Variants in CTNND2 observed in about 807,000 individuals in gnomAD.
CTNND2 encodes the protein catenin delta 2.
Under a neutral mutation model 144.4 loss-of-function variants are expected in CTNND2, and 22 were observed. The ratio of observed to expected loss-of-function variants is 0.15; its 90% confidence interval spans 0.11 to 0.22. The LOEUF is 0.22. Ranked by LOEUF, CTNND2 falls within the 10% of genes least tolerant of loss-of-function variation. The probability of loss-of-function intolerance (pLI) is 1.00; values close to 1 mark genes in which losing one functional copy is unlikely to be tolerated. For missense variants in CTNND2, 1,353 were observed against 1,618.8 expected, an observed-to-expected ratio of 0.84 and a Z score of 2.82; for synonymous variants, 751 against 695.6, an observed-to-expected ratio of 1.08 and a Z score of -1.25.
At chr5:11,686,364 C>T (rs1040298305) in intron 2 of CTNND2, among the ~76,000 whole-genome samples, 1 of 152,142 alleles carries the variant, frequency 6.6e-6, no homozygotes, top group Admixed American at 6.5e-5. Flanking sequence ...TTGCTATTAG[C>T]CATAACTGAC....
At position 11,082,166 on chromosome 5, in the gene CTNND2, T is replaced by C. The variant is rs61757067; in HGVS notation, c.2788+530A>G. Among the ~76,000 whole-genome samples, 61 of 152,312 alleles carry C rather than the reference T, an allele frequency of 4.0e-4. No homozygotes were observed. The East Asian group carries it at 0.01, about 26-fold the overall frequency. ...TTAATCTCTGGGCCTAGAACAGGCC[T>C]GGAACAAAGCAGGCCATGAGTTTTG... is the stretch of plus-strand genomic sequence containing the variant. On this transcript the variant is annotated intron_variant, in intron 16 of 21. Transcript: ENST00000304623.
chr5:11,648,433 T>C (rs1782474396), intron 2 of CTNND2, among the ~76,000 whole-genome samples: 1 of 152,170 alleles, frequency 6.6e-6, no homozygotes, highest in African/African-American at 2.4e-5. Flanking sequence ...CCAAGTAAGC[T>C]ACTGACCTAT....
At chr5:11,442,817 T>TATATAATGATTATATTATAATTTTATATA (rs1179169594) in intron 3 of CTNND2, among the ~76,000 whole-genome samples, 2 of 143,662 alleles carry the variant, frequency 1.4e-5, no homozygotes, top group African/African-American at 2.5e-5. Context: ...TTTTATATAA[T>TATATAATGATTATATTATAATTTTATATA]ATATAATGAT....
intron 5 of CTNND2, among the ~76,000 whole-genome samples, chr5:11,407,917 CT>C (rs1351783076): frequency 3.9e-5 from 6 of 152,110 alleles, no homozygotes; most frequent in African/African-American, 1.4e-4. Flanking sequence ...GTGCTGTACA[CT>C]CACTCTCTGC....
intron 3 of CTNND2, among the ~76,000 whole-genome samples, chr5:11,461,331 C>T (rs1766203960): frequency 6.6e-6 from 1 of 152,164 alleles, no homozygotes; most frequent in South Asian, 2.1e-4. Context: ...CACAGTACAA[C>T]TCGGTCCAAA....
chr5:11,759,196 G>GT (rs60462457), intron 1 of CTNND2, among the ~76,000 whole-genome samples: 123,593 of 151,690 alleles, frequency 0.81, 54,759 homozygotes, highest in Non-Finnish European at 0.98. Flanking sequence ...TTATGTCACT[G>GT]TTTTTTTAAC....
intron 11 of CTNND2, among the ~76,000 whole-genome samples, chr5:11,198,363 T>C (rs533161730): frequency 8.9e-4 from 135 of 152,318 alleles, no homozygotes; most frequent in African/African-American, 3.1e-3. Flanking sequence ...CTAGTTCTAA[T>C]ACAACCAAGA....
At chr5:11,758,497 C>T (rs1034001704) in intron 1 of CTNND2, among the ~76,000 whole-genome samples, 1 of 151,886 alleles carries the variant, frequency 6.6e-6, no homozygotes, top group Non-Finnish European at 1.5e-5. Flanking sequence ...TTCCCCTTTC[C>T]CCATCCACTC....
chr5:11,693,546 C>T (rs764345364), intron 2 of CTNND2, among the ~76,000 whole-genome samples: 5 of 152,170 alleles, frequency 3.3e-5, no homozygotes, highest in Non-Finnish European at 7.3e-5. Flanking sequence ...TTACATGGCA[C>T]ACATAAAATG....
intron 7 of CTNND2, among the ~76,000 whole-genome samples, chr5:11,382,440 TA>T (rs1758580885): frequency 6.6e-6 from 1 of 151,624 alleles, no homozygotes; most frequent in Admixed American, 6.6e-5. Context: ...CTCTACAAAA[TA>T]TACAAAAATT....
intron 1 of CTNND2, among the ~76,000 whole-genome samples, chr5:11,897,824 T>C (rs1332156353): frequency 6.6e-6 from 1 of 152,234 alleles, no homozygotes; most frequent in Non-Finnish European, 1.5e-5. Flanking sequence ...CAGAATTCTA[T>C]CAACTAGAAT....
intron 5 of CTNND2, among the ~76,000 whole-genome samples, chr5:11,398,944 A>T (rs1467857114): frequency 6.6e-6 from 1 of 152,212 alleles, no homozygotes; most frequent in Non-Finnish European, 1.5e-5. Context: ...AGGCAGGCTG[A>T]GATATGGGAG....
rs549124690 is a variant in CTNND2, at chr5:11,013,545, C to T, written c.3084+4429G>A. 7.2e-5 allele frequency among the ~76,000 whole-genome samples: 11 copies of T among 152,264 alleles called. No homozygotes were observed. The East Asian group carries it at 2.1e-3, about 29-fold the overall frequency. ...ATGGCTAGCTTCAAATCCAGGAAGG[C>T]TATTGCAGAGAAGACAGATTAGACT... On this transcript the variant is annotated intron_variant, in intron 18 of 21. Coordinates refer to ENST00000304623, the MANE Select transcript of CTNND2 (RefSeq NM_001332.4).
At chr5:11,183,300 T>C (rs999561391) in intron 11 of CTNND2, among the ~76,000 whole-genome samples, 1 of 152,202 alleles carries the variant, frequency 6.6e-6, no homozygotes, top group Non-Finnish European at 1.5e-5. Context: ...TATCTCCTGT[T>C]AATTTAACGA....
chr5:11,255,765 G>A (rs1744169508), intron 9 of CTNND2, among the ~76,000 whole-genome samples: 1 of 152,250 alleles, frequency 6.6e-6, no homozygotes, highest in African/African-American at 2.4e-5. Flanking sequence ...GCATCAATCA[G>A]TCACGAGAGC....
chr5:11,439,003 G>C (rs1225819148), intron 3 of CTNND2, among the ~76,000 whole-genome samples: 1 of 151,878 alleles, frequency 6.6e-6, no homozygotes, highest in Non-Finnish European at 1.5e-5. Context: ...TGTTAGTTTT[G>C]AGATGTAAAC....
rs115441452 is a variant in CTNND2, at chr5:11,222,011, A to G, written c.1761+14680T>C. ...CTTCTTCTCTAAACGATGACATATC[A>G]GAAATGCATCAAAACGGCAAAGCAC... On this transcript the variant is annotated intron_variant, in intron 10 of 21. Transcript: ENST00000304623. 6.5e-3 allele frequency among the ~76,000 whole-genome samples: 992 copies of G among 152,362 alleles called. 13 individuals carry two copies. The highest frequency in any genetic ancestry group is 0.022 in the African/African-American group (912 of 41,588).
At chr5:10,974,466 G>A (rs1736203630) in intron 21 of CTNND2, among the ~76,000 whole-genome samples, 1 of 152,152 alleles carries the variant, frequency 6.6e-6, no homozygotes, top group Admixed American at 6.5e-5. Context: ...ATGGACGCTT[G>A]GGTTATTTTT....
rs368987225 is a variant in CTNND2, at chr5:11,499,347, C to T, written c.287+65597G>A. 6.2e-4 allele frequency among the ~76,000 whole-genome samples: 94 copies of T among 152,334 alleles called. 1 individual carries two copies. Among genetic ancestry groups the T allele is most frequent in the African/African-American group, 2.1e-3 (88 of 41,576 alleles). On this transcript the variant is annotated intron_variant, in intron 3 of 21. Transcript: ENST00000304623. Reference sequence around the variant, plus strand: ...TTCCTGCCCTGTCCATCTAATTCTGCATTGCCCTACAGGCTTAGTGGCAGC... The same window carrying T: ...TTCCTGCCCTGTCCATCTAATTCTGTATTGCCCTACAGGCTTAGTGGCAGC...
Sources: allele counts gnomAD v4.1 joint callset (sites outside exome capture counted in the v4.1 genomes callset), GRCh38; gene constraint gnomAD v4.1.1; transcripts MANE v1.5; gene names NCBI Gene and HGNC (gene_info 2026-07-23, HGNC 2026-07-21).